The following FUT8 variants were observed in gnomAD, a reference collection of about 807,000 sequenced individuals.
FUT8 encodes the protein fucosyltransferase 8.
Under a neutral mutation model 71.3 loss-of-function variants are expected in FUT8, and 29 were observed. The ratio of observed to expected loss-of-function variants is 0.41; its 90% CI spans 0.30 to 0.55. FUT8 has a LOEUF of 0.55. Ranked by LOEUF, FUT8 falls within the 20% of genes least tolerant of loss-of-function variation. The pLI is 0.34. For missense variants in FUT8, 544 were observed against 702.1 expected (o/e 0.77, Z 2.55); for synonymous variants, 254 against 239.3 (o/e 1.06, Z -0.57).
At chr14:65,581,838 T>C (rs1004101328) in intron 3 of FUT8, among the ~76,000 whole-genome samples, 1 of 152,190 alleles carries the variant, frequency 6.6e-6, no homozygotes, top group Non-Finnish European at 1.5e-5. Context: ...TATTGCCAAA[T>C]TAGCAAGAAG....
chr14:65,455,634 C>T lies in FUT8; in HGVS notation c.-312C>T, dbSNP rs901549293. 5 of 398,188 alleles carry T rather than the reference C, an allele frequency of 1.3e-5. No homozygotes were observed. Among genetic ancestry groups the T allele is most frequent in the African/African-American group, 4.1e-5 (2 of 48,598 alleles). The allele number at this position is 398,188 out of a possible 1,614,324, so 24.7% of individuals were successfully genotyped here. A position where few individuals can be genotyped will look rare whatever the true frequency, so the allele number is the denominator to read the frequency against. On this transcript the variant is annotated 5_prime_UTR_variant, in exon 2 of 11. Transcript: ENST00000673929. ...ATTTTGTTTCAGGTTGCTGCTTTTGCTCAGAGGACATCCATGACCCTAATG... is the reference window on the plus strand; with the variant it reads ...ATTTTGTTTCAGGTTGCTGCTTTTGTTCAGAGGACATCCATGACCCTAATG...
intron 3 of FUT8, among the ~76,000 whole-genome samples, chr14:65,615,455 C>T (rs1478137446): frequency 1.3e-5 from 2 of 152,030 alleles, no homozygotes; most frequent in African/African-American, 4.8e-5. Context: ...TTTCTTTTTT[C>T]TATATAAGAC....
chr14:65,441,146 T>C (rs912184502), intron 1 of FUT8, among the ~76,000 whole-genome samples: 2 of 152,198 alleles, frequency 1.3e-5, no homozygotes, highest in Admixed American at 1.3e-4. Flanking sequence ...AAGATACATA[T>C]GTTTTTAAAG....
intron 6 of FUT8, among the ~76,000 whole-genome samples, chr14:65,649,951 T>C (rs1244405425): frequency 1.3e-5 from 2 of 152,178 alleles, no homozygotes; most frequent in Non-Finnish European, 2.9e-5. Context: ...CTGGATAAGA[T>C]ATAGTAAACA....
chr14:65,430,493 C>T (rs928570694), intron 1 of FUT8, among the ~76,000 whole-genome samples: 2 of 152,022 alleles, frequency 1.3e-5, no homozygotes, highest in African/African-American at 4.8e-5. Flanking sequence ...TATTAAAGAT[C>T]ATCGTTCATA....
chr14:65,658,108 A>G (rs1891777300), intron 6 of FUT8, among the ~76,000 whole-genome samples: 1 of 152,172 alleles, frequency 6.6e-6, no homozygotes, highest in African/African-American at 2.4e-5. Flanking sequence ...AGAACTCTCC[A>G]ATCTCAATAG....
At chr14:65,365,836 T>G in the FUT8 span, among the ~76,000 whole-genome samples, 1 of 152,028 alleles carries the variant, frequency 6.6e-6, no homozygotes, top group South Asian at 2.1e-4. Flanking sequence ...ATTCCTTTAC[T>G]TTCTTTTCTT....
intron 10 of FUT8, among the ~76,000 whole-genome samples, chr14:65,737,032 A>C (rs1594952103): frequency 6.6e-6 from 1 of 152,118 alleles, no homozygotes; most frequent in East Asian, 1.9e-4. Context: ...GCTAGAAGGA[A>C]AAATACAAGG....
At chr14:65,556,013 C>G (rs1451585758) in intron 2 of FUT8, among the ~76,000 whole-genome samples, 1 of 152,208 alleles carries the variant, frequency 6.6e-6, no homozygotes, top group Non-Finnish European at 1.5e-5. Context: ...TGTCCTGCAA[C>G]TTGAATGCCT....
At chr14:65,425,981 A>G (rs1488801478) in intron 1 of FUT8, among the ~76,000 whole-genome samples, 1 of 152,030 alleles carries the variant, frequency 6.6e-6, no homozygotes, top group African/African-American at 2.4e-5. Context: ...TGTCTCAAAA[A>G]AAAAAAAAAT....
intron 3 of FUT8, among the ~76,000 whole-genome samples, chr14:65,577,577 G>C (rs577230118): frequency 4.4e-4 from 67 of 152,064 alleles, no homozygotes; most frequent in Non-Finnish European, 9.3e-4. Flanking sequence ...AATCCAAAAT[G>C]CATGATTTTA....
At chr14:65,378,432 A>G in the FUT8 span, among the ~76,000 whole-genome samples, 1 of 152,154 alleles carries the variant, frequency 6.6e-6, no homozygotes, top group Non-Finnish European at 1.5e-5. Context: ...GTGGAGATGA[A>G]ATGAAAATGT....
At chr14:65,488,067 C>T (rs2066434647) in intron 2 of FUT8, among the ~76,000 whole-genome samples, 1 of 152,130 alleles carries the variant, frequency 6.6e-6, no homozygotes, top group African/African-American at 2.4e-5. Context: ...AGCAGTCCTC[C>T]CACCTCTGCC....
At chr14:65,418,096 A>G (rs1253106268) in intron 1 of FUT8, among the ~76,000 whole-genome samples, 1 of 152,186 alleles carries the variant, frequency 6.6e-6, no homozygotes, top group Non-Finnish European at 1.5e-5. Context: ...TCATGTAGCA[A>G]TGAGGCACAT....
chr14:65,709,015 A>C lies in FUT8; in HGVS notation c.836-12760A>C, dbSNP rs1894690592. Among the ~76,000 whole-genome samples, 15 of 152,352 alleles carry C rather than the reference A, an allele frequency of 9.8e-5. No individual in the cohort carries two copies. In the South Asian group the frequency reaches 3.1e-3, roughly 32 times the overall value. ...AATTTATTTCTAATGTTCTGATTAC[A>C]AAAGAAGGATACGTTGGTGAAATAA... On this transcript the variant is annotated intron_variant, in intron 7 of 10. Coordinates refer to ENST00000673929, the MANE Select transcript of FUT8 (RefSeq NM_001371533.1).
chr14:65,518,699 A>AT (rs1257718025), intron 2 of FUT8, among the ~76,000 whole-genome samples: 11 of 151,400 alleles, frequency 7.3e-5, no homozygotes, highest in South Asian at 2.1e-4. Context: ...TAATTTTTGT[A>AT]TTTTTTTTGT....
chr14:65,701,665 T>C (rs1048386145), intron 7 of FUT8, among the ~76,000 whole-genome samples: 1 of 152,230 alleles, frequency 6.6e-6, no homozygotes, highest in African/African-American at 2.4e-5. Flanking sequence ...GAACCCAAAA[T>C]GACAATTTAT....
At chr14:65,401,479 C>G in the FUT8 span, among the ~76,000 whole-genome samples, 3 of 152,166 alleles carry the variant, frequency 2.0e-5, no homozygotes, top group African/African-American at 7.2e-5. Flanking sequence ...AACAAGACTT[C>G]CTTCTCTGGA....
At chr14:65,366,429 C>T in the FUT8 span, among the ~76,000 whole-genome samples, 1 of 152,144 alleles carries the variant, frequency 6.6e-6, no homozygotes, top group Non-Finnish European at 1.5e-5. Flanking sequence ...TCCCCGATGG[C>T]TTCTGTGGGG....
Sources: allele counts gnomAD v4.1 joint callset (sites outside exome capture counted in the v4.1 genomes callset), GRCh38; gene constraint gnomAD v4.1.1; transcripts MANE v1.5; gene names NCBI Gene and HGNC (gene_info 2026-07-23, HGNC 2026-07-21).